DCLK1: variants seen among roughly 807,000 people sequenced by gnomAD.
DCLK1 encodes the protein doublecortin like kinase 1, also known as serine/threonine-protein kinase DCLK1.
In DCLK1, 16 loss-of-function variants were observed where a neutral mutation model predicts 86.2. The ratio of observed to expected loss-of-function variants is 0.19; its 90% CI spans 0.13 to 0.28. DCLK1 has a LOEUF of 0.28. DCLK1 is among the 10% of genes least tolerant of loss of function. DCLK1 has a pLI of 1.00. For synonymous variants in DCLK1, 369 were observed against 370.5 expected, an observed-to-expected ratio of 1.00 and a Z score of 0.05; for missense variants, 590 against 940.2, an observed-to-expected ratio of 0.63 and a Z score of 4.87.
In DCLK1 at chr13:36,126,128, C is replaced by T; in HGVS notation, c.10G>A (p.Gly4Ser). Residue 4 changes from glycine to serine, a missense_variant, in exon 2 of 17, where the codon GGC (glycine) becomes AGC (serine). This residue lies in a region of DCLK1 where 50 missense variants were observed against 47.8 expected (regional missense o/e 1.05). Coordinates refer to ENST00000360631, the MANE Select transcript of DCLK1 (RefSeq NM_001330071.2). ...AAGTGCTCCAGCTCCATGTCTCTGCCGAAGGACATGATGGACTTCAAGTAG... is the reference window on the plus strand; with the variant it reads ...AAGTGCTCCAGCTCCATGTCTCTGCTGAAGGACATGATGGACTTCAAGTAG... MSF[G>S]RDMELEHFDE... 1 of 1,590,724 alleles carries T rather than the reference C, an allele frequency of 6.3e-7. No individual in the cohort carries two copies. Among genetic ancestry groups the T allele is most frequent in the Middle Eastern group, 1.7e-4 (1 of 5,954 alleles).
At chr13:36,074,492 AAAAAAAAAAAAAAAAAAAAAAAAAAC>A in intron 3 of DCLK1, among the ~76,000 whole-genome samples, 1 of 41,056 alleles carries the variant, frequency 2.4e-5, no homozygotes, top group East Asian at 7.1e-3. Flanking sequence ...AAAAAAAAAA[AAAAAAAAAAAAAAAAAAAAAAAAAAC>A]AGAGAAGACA....
chr13:35,935,135 A>C (rs1206501055), intron 4 of DCLK1, among the ~76,000 whole-genome samples: 1 of 152,206 alleles, frequency 6.6e-6, no homozygotes, highest in Non-Finnish European at 1.5e-5. Context: ...GAGCAAAAGC[A>C]GATATTTCAA....
rs145032052 is a variant in DCLK1 at position 36,015,428 on chromosome 13, A to G, written c.724-67971T>C. Among the ~76,000 whole-genome samples the G allele has an allele frequency of 3.0e-3, 458 of 152,230 alleles. 2 individuals are homozygous for G. Among genetic ancestry groups the G allele is most frequent in the African/African-American group, 0.01 (420 of 41,552 alleles). On this transcript the variant is annotated intron_variant, in intron 3 of 16. Coordinates refer to ENST00000360631, the MANE Select transcript of DCLK1 (RefSeq NM_001330071.2). ...TGAGCCAGCTTTTTAATTTTTTCCA[A>G]TGGGGGAGTTCTGGTGTCTGGCATA...
chr13:35,883,329 C>A lies in DCLK1; in HGVS notation c.824-11989G>T, dbSNP rs532149432. Among the ~76,000 whole-genome samples, 12 of 152,204 alleles carry A rather than the reference C, an allele frequency of 7.9e-5. No homozygotes were observed. The South Asian group carries it at 2.5e-3, about 32-fold the overall frequency. On this transcript the variant is annotated intron_variant, in intron 4 of 16. Transcript: ENST00000360631. ...CCATCCATGAGGTAATGAGTGTGTT[C>A]TCGCTCTGTTAGTTCCAGCAAGAGT...
At chr13:36,105,640 T>TAA in intron 3 of DCLK1, among the ~76,000 whole-genome samples, 1 of 152,336 alleles carries the variant, frequency 6.6e-6, no homozygotes, top group South Asian at 2.1e-4. Flanking sequence ...GCTTAATTTA[T>TAA]AGCATACATA....
chr13:35,964,236 C>T (rs897218042), intron 3 of DCLK1, among the ~76,000 whole-genome samples: 2 of 151,988 alleles, frequency 1.3e-5, no homozygotes, highest in Non-Finnish European at 1.5e-5. Context: ...TATAAAATTG[C>T]AGAATTAAAG....
At chr13:35,792,614 T>C (rs1256256331) in intron 16 of DCLK1, among the ~76,000 whole-genome samples, 1 of 152,176 alleles carries the variant, frequency 6.6e-6, no homozygotes, top group Non-Finnish European at 1.5e-5. Context: ...GAGGAATTTA[T>C]TAAAAACTCA....
At chr13:35,871,750 G>T (rs1472984386) in intron 4 of DCLK1, among the ~76,000 whole-genome samples, 1 of 152,152 alleles carries the variant, frequency 6.6e-6, no homozygotes, top group Non-Finnish European at 1.5e-5. Context: ...CAAGAAATGT[G>T]GTGGTGGAAG....
intron 4 of DCLK1, among the ~76,000 whole-genome samples, chr13:35,911,783 A>G (rs746578612): frequency 1.3e-5 from 2 of 152,216 alleles, no homozygotes; most frequent in Non-Finnish European, 2.9e-5. Context: ...CAAAGAGGCC[A>G]TATACACCCT....
At chr13:36,040,729 T>C (rs559612836) in intron 3 of DCLK1, among the ~76,000 whole-genome samples, 1 of 152,100 alleles carries the variant, frequency 6.6e-6, no homozygotes, top group Non-Finnish European at 1.5e-5. Context: ...TTTGAAATTC[T>C]TGGAGATTTA....
intron 2 of DCLK1, among the ~76,000 whole-genome samples, chr13:36,118,816 G>T (rs1304561092): frequency 6.6e-6 from 1 of 152,206 alleles, no homozygotes; most frequent in East Asian, 1.9e-4. Context: ...TGGAGGCTGG[G>T]AAGTCCAAGA....
chr13:35,850,760 A>AG, intron 6 of DCLK1: 1 of 1,602,284 alleles, frequency 6.2e-7, no homozygotes, highest in South Asian at 1.1e-5. Context: ...ATCCGAAGAG[A>AG]GGGGGCGGTA....
rs377239736 is a variant in DCLK1 at position 35,855,799 on chromosome 13, C to T, written c.941-1206G>A. Reference sequence around the variant, plus strand: ...CTCTTGCCAACAGCAACCCCCATCCCGACACCACTCCCTTCCGGAAGCCCC... The same window carrying T: ...CTCTTGCCAACAGCAACCCCCATCCTGACACCACTCCCTTCCGGAAGCCCC... On this transcript the variant is annotated intron_variant, in intron 5 of 16. Transcript: ENST00000360631. The T allele has an allele frequency of 8.5e-4, 1,064 of 1,258,628 alleles. 1 individual carries two copies. Among genetic ancestry groups the T allele is most frequent in the Non-Finnish European group, 9.4e-4 (940 of 997,772 alleles). 78.0% of individuals were successfully genotyped at this position (1,258,628 alleles called of 1,614,324 possible). A position where few individuals can be genotyped will look rare whatever the true frequency, so the allele number is the denominator to read the frequency against.
At chr13:36,109,587 G>C (rs1885536860) in intron 3 of DCLK1, among the ~76,000 whole-genome samples, 1 of 152,176 alleles carries the variant, frequency 6.6e-6, no homozygotes, top group Non-Finnish European at 1.5e-5. Context: ...GCTCAATAAA[G>C]CTATCATCAT....
At chr13:36,036,823 A>C (rs564195921) in intron 3 of DCLK1, among the ~76,000 whole-genome samples, 1 of 152,274 alleles carries the variant, frequency 6.6e-6, no homozygotes, top group African/African-American at 2.4e-5. Flanking sequence ...ATCCTTAAAA[A>C]ACTTTCTAAA....
At chr13:35,912,169 T>C (rs1157224308) in intron 4 of DCLK1, among the ~76,000 whole-genome samples, 1 of 152,162 alleles carries the variant, frequency 6.6e-6, no homozygotes, top group Non-Finnish European at 1.5e-5. Context: ...GCATAGAGTT[T>C]GGCATGCAGG....
chr13:36,131,506 C>T (rs1329423697), upstream of DCLK1, among the ~76,000 whole-genome samples: 3 of 152,138 alleles, frequency 2.0e-5, no homozygotes, highest in East Asian at 5.8e-4. Context: ...GCAGGGCGCA[C>T]CCACCACGGC....
chr13:36,085,981 T>C (rs576286300), intron 3 of DCLK1, among the ~76,000 whole-genome samples: 1 of 152,316 alleles, frequency 6.6e-6, no homozygotes, highest in African/African-American at 2.4e-5. Flanking sequence ...TGTGAAGAAA[T>C]CTTTAAAGAA....
intron 3 of DCLK1, among the ~76,000 whole-genome samples, chr13:35,990,667 T>C (rs1880180153): frequency 6.6e-6 from 1 of 152,110 alleles, no homozygotes; most frequent in Non-Finnish European, 1.5e-5. Context: ...ACAGCACCTA[T>C]GTAGAGTTGT....
Sources: allele counts gnomAD v4.1 joint callset (sites outside exome capture counted in the v4.1 genomes callset), GRCh38; gene constraint gnomAD v4.1.1; regional missense constraint gnomAD v4.1.1; transcripts MANE v1.5; gene names NCBI Gene and HGNC (gene_info 2026-07-23, HGNC 2026-07-21).